The following FLG variants were observed in gnomAD, a reference collection of about 807,000 sequenced individuals.
FLG encodes epidermal filaggrin.
In FLG, 6 loss-of-function variants were observed where a neutral mutation model predicts 3.8. That is an observed-to-expected ratio of 1.60 (90% CI 0.87 to 3.15). The LOEUF (loss-of-function observed/expected upper bound fraction) is 3.15, where lower values mean the gene tolerates loss of function less well. Among genes scored for constraint, FLG ranks in the 30% most tolerant of loss-of-function variants. The pLI is 0.00. For missense variants in FLG, 7,595 were observed against 5,050.9 expected (o/e 1.50, Z -15.27); for synonymous variants, 2,551 against 1,931.6 (o/e 1.32, Z -8.41).
rs768829829 is a variant in FLG at position 152,303,452 on chromosome 1, C to G, written c.11434G>C (p.Glu3812Gln). The G allele has an allele frequency of 1.2e-5, 20 of 1,613,504 alleles. No individual in the cohort carries two copies. The African/African-American group carries it at 1.6e-4, about 13-fold the overall frequency. Residue 3812 changes from glutamate (E) to glutamine (Q), a missense_variant, in exon 3 of 3, where the codon GAA becomes CAA. By Grantham distance (29) the Glu-to-Gln change is conservative (BLOSUM62 2). Coordinates refer to ENST00000368799, the MANE Select transcript of FLG (RefSeq NM_002016.2). ...CCTGACTGTTCCTCATTACGTGTTT[C>G]TCTGCTTGCACTTCTGGATCCTGAC... ...GQSGSRSASR[E>Q]TRNEEQSGDG...
Position 152,304,529 on chromosome 1 carries a change from A to G in FLG, c.10357T>C (p.Ser3453Pro). The G allele has an allele frequency of 1.9e-6, 3 of 1,611,256 alleles. No homozygotes were observed. The highest frequency in any genetic ancestry group is 2.5e-6 in the Non-Finnish European group (3 of 1,179,150). ...CCTGAGTGTCCAGACCTATCTACCG[A>G]TTGCTCGTAGTGGGATCCCTGCCTT... is the stretch of plus-strand genomic sequence containing the variant. ...RGRQGSHYEQ[S>P]VDRSGHSGSH... is the part of the protein sequence containing the mutation. The change falls in exon 3 of 3, where the codon TCG (serine) becomes CCG (proline). Residue 3453 changes from serine to proline, a missense_variant. By Grantham distance (74) the Ser-to-Pro change is moderately conservative (BLOSUM62 -1). Transcript: ENST00000368799.
At position 152,308,151 on chromosome 1, in the gene FLG, C is replaced by T. The variant is rs995048247; in HGVS notation, c.6735G>A (p.Gln2245=). The change falls in exon 3 of 3, where the codon CAG becomes CAA. Residue 2245 remains glutamine, a synonymous_variant. Coordinates refer to ENST00000368799, the MANE Select transcript of FLG (RefSeq NM_002016.2). Reference sequence around the variant, plus strand: ...CTGAGTGTCCCTCACTGTCACTGTCCTGGCTAACACTGGATCCCCGGGGCC... The same window carrying T: ...CTGAGTGTCCCTCACTGTCACTGTCTTGGCTAACACTGGATCCCCGGGGCC... ...TSRPRGSSVS[Q]DSDSEGHSED... 1 of 1,614,080 alleles carries T rather than the reference C, an allele frequency of 6.2e-7. No homozygotes were observed. The highest frequency in any genetic ancestry group is 2.2e-5 in the East Asian group (1 of 44,846).
Position 152,312,517 on chromosome 1 carries a change from G to A in FLG, c.2369C>T (p.Ser790Leu). 6.2e-7 allele frequency: 1 copy of A among 1,613,590 alleles called. No individual in the cohort carries two copies. Residue 790 changes from serine to leucine, a missense_variant, in exon 3 of 3, where the codon TCA becomes TTA. Ser to Leu is a moderately radical substitution (Grantham distance 145). Transcript: ENST00000368799. ...GCTCACCTGGTAGAGGAAAGACCCT[G>A]AACGTCGAGACCTTTCCCCTGACCG... ...RDRSGERSRR[S>L]GSFLYQVSTH...
chr1:152,314,770 G>T (rs1408311547), intron 2 of FLG, 23 bp from the exon 3 acceptor site: 1 of 1,613,654 alleles, frequency 6.2e-7, no homozygotes, highest in East Asian at 2.2e-5. Flanking sequence ...AAGTCACAGA[G>T]GGAGACTGCA....
chr1:152,312,832 G>T lies in FLG; in HGVS notation c.2054C>A (p.Thr685Lys), dbSNP rs530464393. The stretch of plus-strand genomic sequence containing the variant: ...AGCCTGTCCACTAGAGGAATTCTGT[G>T]TGTGACGAGTGCCTGATTTTCTGGA... ...DSSRKSGTRHTQNSSSGQAAS... is the reference protein window; with the variant it reads ...DSSRKSGTRHKQNSSSGQAAS... Residue 685 changes from threonine (T) to lysine (K), a missense_variant, in exon 3 of 3, where the codon ACA becomes AAA. Physicochemically the swap from Thr to Lys is moderately conservative, Grantham distance 78. Transcript: ENST00000368799. 2.5e-5 allele frequency: 40 copies of T among 1,614,084 alleles called. No individual in the cohort carries two copies. The East Asian group carries it at 8.5e-4, about 34-fold the overall frequency.
In FLG at chr1:152,307,883, G is replaced by T. The variant is rs747753029; in HGVS notation, c.7003C>A (p.Gln2335Lys). The part of the protein sequence containing the change: ...SAGERHGSHH[Q>K]QSADSSRHSG... ...TGTCTGGAGCTGTCTGCTGACTGCT[G>T]GTGGTGGGATCCGTGTCTCTCTCCT... Residue 2335 changes from glutamine to lysine, a missense_variant, in exon 3 of 3, where the codon CAG becomes AAG. Physicochemically the swap from Gln to Lys is moderately conservative, Grantham distance 53. Coordinates refer to ENST00000368799, the MANE Select transcript of FLG (RefSeq NM_002016.2). 1 of 1,612,956 alleles carries T rather than the reference G, an allele frequency of 6.2e-7. No individual in the cohort carries two copies. Among genetic ancestry groups the T allele is most frequent in the Non-Finnish European group, 8.5e-7 (1 of 1,179,710 alleles).
chr1:152,313,255 GA>G lies in FLG; in HGVS notation c.1630del (p.Ser544ProfsTer254). 6 of 1,613,912 alleles carry G rather than the reference GA, an allele frequency of 3.7e-6. No individual in the cohort carries two copies. Among genetic ancestry groups the G allele is most frequent in the Non-Finnish European group, 5.1e-6 (6 of 1,180,012 alleles). The stretch of plus-strand genomic sequence containing the variant: ...CTGGGATGTGGTGTGGCTGTGATGG[GA>G]ACCTGAGTGTCCAGACCTATTTACC... ...QSVNRSGHSG[S>X]HHSHTTSQGR... is the part of the protein sequence containing the mutation. On this transcript the variant is annotated frameshift_variant, in exon 3 of 3. Transcript: ENST00000368799. LOFTEE classifies it low-confidence loss of function (END_TRUNC).
rs766815958 is a variant in FLG, at chr1:152,311,279, T to C, written c.3607A>G (p.Arg1203Gly). 2.4e-5 allele frequency: 38 copies of C among 1,613,754 alleles called. No individual in the cohort carries two copies. The highest frequency in any genetic ancestry group is 3.3e-5 in the Admixed American group (2 of 59,970). Reference protein sequence around the residue: ...SHHSHTTSQGRSDASHGQSGS... With the variant: ...SHHSHTTSQGGSDASHGQSGS... ...GACTGCCCATGGGAGGCATCAGACC[T>C]TCCCTGGGATGTGGTGTGGCTGTGA... Residue 1203 changes from arginine (R) to glycine (G), a missense_variant, in exon 3 of 3, where the codon AGG (arginine) becomes GGG (glycine). Arg to Gly is a moderately radical substitution (Grantham distance 125). Coordinates refer to ENST00000368799, the MANE Select transcript of FLG (RefSeq NM_002016.2).
rs773840408 is a variant in FLG at position 152,303,310 on chromosome 1, T to G, written c.11576A>C (p.Gln3859Pro). ...ESAGSRRSRR[Q>P]GSSVSQDSDS... ...ACTGTCCTGGCTAACACTGGATCCC[T>G]GGCGCCTGCTTCTCCTGGACCCCGC... Residue 3859 changes from glutamine (Q) to proline (P), a missense_variant, in exon 3 of 3, where the codon CAG becomes CCG. Physicochemically the swap from Gln to Pro is moderately conservative, Grantham distance 76 (BLOSUM62 -1). Coordinates refer to ENST00000368799, the MANE Select transcript of FLG (RefSeq NM_002016.2). The G allele has an allele frequency of 6.2e-7, 1 of 1,614,092 alleles. No individual in the cohort carries two copies. The highest frequency in any genetic ancestry group is 2.2e-5 in the East Asian group (1 of 44,862).
In FLG at chr1:152,310,100, G is replaced by A. The variant is rs756998312; in HGVS notation, c.4786C>T (p.Gln1596Ter). Residue 1596 changes from glutamine (Q) to a stop codon, truncating the protein, a stop_gained, in exon 3 of 3, where the codon CAG (glutamine) becomes TAG (stop). Transcript: ENST00000368799. LOFTEE classifies it low-confidence loss of function (END_TRUNC). ...GAGTGTCCCTCACTGTCCCTGTCCT[G>A]ACTAACACTGGATCCCTGGCGCCTG... Reference protein sequence around the residue: ...TSRRQGSSVSQDRDSEGHSED... With the variant: ...TSRRQGSSVS 15 of 1,613,814 alleles carry A rather than the reference G, an allele frequency of 9.3e-6. No individual in the cohort carries two copies. Among genetic ancestry groups the A allele is most frequent in the Non-Finnish European group, 1.2e-5 (14 of 1,179,846 alleles).
At position 152,312,164 on chromosome 1, in the gene FLG, G is replaced by C; in HGVS notation, c.2722C>G (p.His908Asp). The change falls in exon 3 of 3, where the codon CAC becomes GAC. Residue 908 changes from histidine to aspartate, a missense_variant. Coordinates refer to ENST00000368799, the MANE Select transcript of FLG (RefSeq NM_002016.2). ...GCTTCATGGTGACGTGACCCTGAGTGCCTGGAGCCGTCTCTTGATTGTTCC... is the reference window on the plus strand; with the variant it reads ...GCTTCATGGTGACGTGACCCTGAGTCCCTGGAGCCGTCTCTTGATTGTTCC... ...NEEQSRDGSRHSGSRHHEASS... is the reference protein window; with the variant it reads ...NEEQSRDGSRDSGSRHHEASS... The C allele has an allele frequency of 6.2e-7, 1 of 1,614,062 alleles. No homozygotes were observed. Among genetic ancestry groups the C allele is most frequent in the Middle Eastern group, 1.6e-4 (1 of 6,062 alleles).
Position 152,308,264 on chromosome 1 carries a change from A to G in FLG, c.6622T>C (p.Ser2208Pro). The G allele has an allele frequency of 6.2e-7, 1 of 1,612,790 alleles. No homozygotes were observed. Among genetic ancestry groups the G allele is most frequent in the Non-Finnish European group, 8.5e-7 (1 of 1,179,250 alleles). ...QSGDGSRHSG[S>P]HHHEASSWAD... ...CAAGAGGAAGCTTCATGATGATGCGACCCTGAGTGCCTAGAGCCATCTCCT... is the reference window on the plus strand; with the variant it reads ...CAAGAGGAAGCTTCATGATGATGCGGCCCTGAGTGCCTAGAGCCATCTCCT... The change falls in exon 3 of 3, where the codon TCG (serine) becomes CCG (proline). Residue 2208 changes from serine (S) to proline (P), a missense_variant. Physicochemically the swap from Ser to Pro is moderately conservative, Grantham distance 74. Coordinates refer to ENST00000368799, the MANE Select transcript of FLG (RefSeq NM_002016.2).
At chr1:152,315,212 T>C (rs1395939931) in intron 2 of FLG, 107 bp downstream of exon 2, 1 of 1,095,316 alleles carries the variant, frequency 9.1e-7, no homozygotes, top group African/African-American at 1.6e-5. Flanking sequence ...ATTAACTCTT[T>C]TCCTATTTTA....
intron 1 of FLG, among the ~76,000 whole-genome samples, chr1:152,319,529 G>T (rs533304638): frequency 3.3e-5 from 5 of 151,490 alleles, no homozygotes; most frequent in African/African-American, 1.2e-4. Flanking sequence ...ACCAAAGCAA[G>T]ACATATAATA....
At position 152,310,659 on chromosome 1, in the gene FLG, T is replaced by C. The variant is rs369925879; in HGVS notation, c.4227A>G (p.Ser1409=). ...EGHSEDSDTQ[S]VSAHGQAGPH... ...GCCCAGCTTGTCCGTGGGCTGACACTGACTGTGTGTCTGAGTCTTCTGAAT... is the reference window on the plus strand; with the variant it reads ...GCCCAGCTTGTCCGTGGGCTGACACCGACTGTGTGTCTGAGTCTTCTGAAT... The change falls in exon 3 of 3, where the codon TCA becomes TCG. Residue 1409 remains serine, a synonymous_variant. Coordinates refer to ENST00000368799, the MANE Select transcript of FLG (RefSeq NM_002016.2). 6.2e-7 allele frequency: 1 copy of C among 1,613,986 alleles called. No homozygotes were observed. The highest frequency in any genetic ancestry group is 1.7e-5 in the Admixed American group (1 of 60,012).
In FLG at chr1:152,305,148, C is replaced by T; in HGVS notation, c.9738G>A (p.Gln3246=). 1 of 1,613,950 alleles carries T rather than the reference C, an allele frequency of 6.2e-7. No homozygotes were observed. Among genetic ancestry groups the T allele is most frequent in the Non-Finnish European group, 8.5e-7 (1 of 1,179,980 alleles). The change falls in exon 3 of 3, where the codon CAG becomes CAA. Residue 3246 remains glutamine (Q), a synonymous_variant. Coordinates refer to ENST00000368799, the MANE Select transcript of FLG (RefSeq NM_002016.2). ...TGGGGTGTCTGGAGCCGTGCCTTGA[C>T]TGCTCCTGAACAGATCCACGATGGT... is the stretch of plus-strand genomic sequence containing the variant. ...SRNHRGSVQE[Q]SRHGSRHPRS...
rs371889524 is a variant in FLG at position 152,310,184 on chromosome 1, C to T, written c.4702G>A (p.Ala1568Thr). The change falls in exon 3 of 3, where the codon GCC (alanine) becomes ACC (threonine). Residue 1568 changes from alanine (A) to threonine (T), a missense_variant. Coordinates refer to ENST00000368799, the MANE Select transcript of FLG (RefSeq NM_002016.2). ...GSRHHEPSTR[A>T]GSSRHSQVGQ... ...ACCTGTGAGTGTCTAGAGCTGCCGG[C>T]CCGAGTGGAAGGTTCATGGTGACGT... 17 of 1,613,764 alleles carry T rather than the reference C, an allele frequency of 1.1e-5. No individual in the cohort carries two copies. Among genetic ancestry groups the T allele is most frequent in the South Asian group, 2.2e-5 (2 of 91,056 alleles).
intron 1 of FLG, among the ~76,000 whole-genome samples, chr1:152,317,746 T>C (rs918152118): frequency 2.0e-5 from 3 of 152,086 alleles, no homozygotes; most frequent in Non-Finnish European, 4.4e-5. Flanking sequence ...AAACTTGAGA[T>C]GTGTATGTCT....
At position 152,311,717 on chromosome 1, in the gene FLG, C is replaced by G; in HGVS notation, c.3169G>C (p.Ala1057Pro). 6.2e-7 allele frequency: 1 copy of G among 1,614,118 alleles called. No homozygotes were observed. Among genetic ancestry groups the G allele is most frequent in the East Asian group, 2.2e-5 (1 of 44,864 alleles). Residue 1057 changes from alanine (A) to proline (P), a missense_variant, in exon 3 of 3, where the codon GCA (alanine) becomes CCA (proline). Transcript: ENST00000368799. The stretch of plus-strand genomic sequence containing the variant: ...CCCCAGTGTCCACTGTCTCTGACTG[C>G]AGATGAAGCTTGTCTGCGCGGAATG... The part of the protein sequence containing the change: ...SGIPRRQASS[A>P]VRDSGHWGSS...
Sources: gnomAD v4.1 joint callset for allele counts (sites outside exome capture counted in the v4.1 genomes callset) on GRCh38, gnomAD v4.1.1 for gene constraint, MANE v1.5 for transcripts, NCBI Gene and HGNC (gene_info 2026-07-23, HGNC 2026-07-21) for gene names.